Variants in TEX15 observed in about 807,000 individuals in gnomAD.
TEX15 encodes the protein testis expressed 15, meiosis and synapsis associated.
In TEX15, 171 loss-of-function variants were observed where a neutral mutation model predicts 237.3. That is an observed-to-expected ratio of 0.72 (90% CI 0.64 to 0.82). The LOEUF (loss-of-function observed/expected upper bound fraction) is 0.82. Among genes scored for constraint, TEX15 ranks in the 40% least tolerant of loss-of-function variants. TEX15 has a pLI of 0.00. For missense variants in TEX15, 3,750 were observed against 3,646.5 expected (o/e 1.03, Z -0.73); for synonymous variants, 1,338 against 1,269.8 (o/e 1.05, Z -1.14).
At chr8:30,889,944 T>TAC (rs1808755662) in intron 2 of TEX15, among the ~76,000 whole-genome samples, 49 of 122,454 alleles carry the variant, frequency 4.0e-4, no homozygotes, top group African/African-American at 1.7e-3. Flanking sequence ...CATATATATA[T>TAC]ATATATATAC....
chr8:30,840,259 G>A (rs978403323), intron 8 of TEX15, among the ~76,000 whole-genome samples: 6 of 151,432 alleles, frequency 4.0e-5, no homozygotes, highest in African/African-American at 1.5e-4. Context: ...GCAGTGATGC[G>A]ATATTGGCTC....
In TEX15 at chr8:30,842,821, A is replaced by G. The variant is rs1387622266; in HGVS notation, c.7346T>C (p.Val2449Ala). The part of the protein sequence containing the change: ...PEAIEMYIEI[V>A]MVSETIHFLK... The stretch of plus-strand genomic sequence containing the variant: ...AAAGTGAATTGTTTCTGAGACCATG[A>G]CGATTTCAATATACATTTCAATAGC... The change falls in exon 8 of 11, where the codon GTC becomes GCC. Residue 2449 changes from valine (V) to alanine (A), a missense_variant. Transcript: ENST00000643185. 1 of 1,613,202 alleles carries G rather than the reference A, an allele frequency of 6.2e-7. No homozygotes were observed. Among genetic ancestry groups the G allele is most frequent in the Non-Finnish European group, 8.5e-7 (1 of 1,179,472 alleles).
intron 3 of TEX15, among the ~76,000 whole-genome samples, chr8:30,875,526 T>C (rs1462093097): frequency 6.6e-6 from 1 of 152,174 alleles, no homozygotes; most frequent in Non-Finnish European, 1.5e-5. Flanking sequence ...TACAAGAACA[T>C]GTGTGTAAGA....
At chr8:30,853,141 T>C (rs1040346876) in intron 7 of TEX15, among the ~76,000 whole-genome samples, 1 of 152,208 alleles carries the variant, frequency 6.6e-6, no homozygotes, top group Admixed American at 6.5e-5. Flanking sequence ...TATAATACAT[T>C]GCGGATGGGC....
Position 30,842,758 on chromosome 8 carries a change from C to G in TEX15, c.7409G>C (p.Arg2470Thr), listed in dbSNP as rs1464765666. 2 of 1,613,268 alleles carry G rather than the reference C, an allele frequency of 1.2e-6. No individual in the cohort carries two copies. The highest frequency in any genetic ancestry group is 1.7e-5 in the Admixed American group (1 of 59,926). ...ATCAAACCAAAGCATACCTCGAAAC[C>G]TCTGTTTGTCTAGTTTCTTTGCTAT... ...NSIAKKLDKQRFRGMLWFDLS... is the reference protein window; with the variant it reads ...NSIAKKLDKQTFRGMLWFDLS... The change falls in exon 8 of 11, where the codon AGG (arginine) becomes ACG (threonine). Residue 2470 changes from arginine (R) to threonine (T), a missense_variant. By Grantham distance (71) the Arg-to-Thr change is moderately conservative. Transcript: ENST00000643185.
chr8:30,873,171 T>C (rs1375265631), intron 4 of TEX15, among the ~76,000 whole-genome samples: 1 of 152,144 alleles, frequency 6.6e-6, no homozygotes, highest in Non-Finnish European at 1.5e-5. Flanking sequence ...AGGCAGAAAA[T>C]ATTTAAAAGG....
chr8:30,896,553 A>C (rs970753601), intron 2 of TEX15, among the ~76,000 whole-genome samples: 1 of 152,152 alleles, frequency 6.6e-6, no homozygotes, highest in African/African-American at 2.4e-5. Flanking sequence ...GATTAAAAAA[A>C]AAAAAGTCAA....
chr8:30,842,262 G>C lies in TEX15; in HGVS notation c.7905C>G (p.Ser2635=), dbSNP rs1218894472. Residue 2635 remains serine, a synonymous_variant, in exon 8 of 11, where the codon TCC becomes TCG. Coordinates refer to ENST00000643185, the MANE Select transcript of TEX15 (RefSeq NM_001350162.2). ...ICTKNAELTI[S]FFLCQMLYNR... ...TATACAGCATTTGGCATAGGAAAAA[G>C]GAAATGGTTAGTTCAGCATTTTTAG... The C allele has an allele frequency of 6.2e-7, 1 of 1,613,532 alleles. No individual in the cohort carries two copies. Among genetic ancestry groups the C allele is most frequent in the Non-Finnish European group, 8.5e-7 (1 of 1,179,820 alleles).
intron 1 of TEX15, among the ~76,000 whole-genome samples, chr8:30,900,594 A>T (rs1327056685): frequency 6.6e-6 from 1 of 152,236 alleles, no homozygotes; most frequent in Non-Finnish European, 1.5e-5. Context: ...TGTCATGTAT[A>T]AGAAAGGAAA....
intron 7 of TEX15, among the ~76,000 whole-genome samples, chr8:30,853,395 A>G (rs930888628): frequency 2.6e-5 from 4 of 152,244 alleles, no homozygotes; most frequent in African/African-American, 9.6e-5. Context: ...AATTGGCCCT[A>G]TGTATTGGTG....
At chr8:30,834,604 T>A (rs1268417102) in intron 10 of TEX15, among the ~76,000 whole-genome samples, 1 of 152,228 alleles carries the variant, frequency 6.6e-6, no homozygotes, top group Non-Finnish European at 1.5e-5. Context: ...AATACTCACA[T>A]ACCTTATGTG....
chr8:30,863,575 C>G (rs1015750368), intron 5 of TEX15, among the ~76,000 whole-genome samples: 23 of 152,150 alleles, frequency 1.5e-4, no homozygotes, highest in African/African-American at 4.3e-4. Flanking sequence ...TTGCAAGCCC[C>G]TCCTTGCCTG....
At position 30,867,230 on chromosome 8, in the gene TEX15, G is replaced by A. The variant is rs781026021; in HGVS notation, c.540+35C>T. The A allele has an allele frequency of 6.6e-4, 691 of 1,040,772 alleles. 1 individual carries two copies. Among genetic ancestry groups the A allele is most frequent in the Non-Finnish European group, 7.1e-4 (498 of 703,606 alleles). The allele number at this position is 1,040,772 out of a possible 1,614,324, so 64.5% of individuals were successfully genotyped here. On this transcript the variant is annotated intron_variant, in intron 5 of 10. Transcript: ENST00000643185. ...TGTTCAGGTCAATTCAAAGCAAACT[G>A]TCCATATACTTAATATTTGTTTTAT... is the stretch of plus-strand genomic sequence containing the variant.
intron 2 of TEX15, among the ~76,000 whole-genome samples, chr8:30,888,316 A>G (rs1808708233): frequency 6.6e-6 from 1 of 152,214 alleles, no homozygotes; most frequent in Non-Finnish European, 1.5e-5. Context: ...AGAAACTTCA[A>G]AAAGTTGTAA....
rs139314740 is a variant in TEX15, at chr8:30,845,464, A to G, written c.4703T>C (p.Ile1568Thr). ...TGTATCAATTTGATTTTCTTTTTCT[A>G]TTAGTTTCTCATCTGAGTGGTCTGG... ...FSPDHSDEKL[I>T]EKENQIDTAF... Residue 1568 changes from isoleucine to threonine, a missense_variant, in exon 8 of 11, where the codon ATA (isoleucine) becomes ACA (threonine). Coordinates refer to ENST00000643185, the MANE Select transcript of TEX15 (RefSeq NM_001350162.2). The G allele has an allele frequency of 3.5e-5, 56 of 1,612,984 alleles. No individual in the cohort carries two copies. In the African/African-American group the frequency reaches 5.5e-4, roughly 16 times the overall value.
At chr8:30,876,773 T>C (rs1014729943) in intron 3 of TEX15, among the ~76,000 whole-genome samples, 18 of 152,126 alleles carry the variant, frequency 1.2e-4, no homozygotes, top group African/African-American at 4.3e-4. Context: ...TGTTAACAAT[T>C]GATATGGTTT....
chr8:30,910,588 G>A (rs920394364), intron 1 of TEX15, among the ~76,000 whole-genome samples: 2 of 149,758 alleles, frequency 1.3e-5, no homozygotes, highest in African/African-American at 5.0e-5. Context: ...GGGGACCAAA[G>A]GCTTGCACCA....
At chr8:30,875,200 A>G in intron 3 of TEX15, 98 bp from the exon 4 acceptor site, 2 of 807,608 alleles carry the variant, frequency 2.5e-6, no homozygotes, top group Non-Finnish European at 3.3e-6. Context: ...ATAACTAAGT[A>G]CTGGAATTTT....
At position 30,842,708 on chromosome 8, in the gene TEX15, G is replaced by A. The variant is rs773218994; in HGVS notation, c.7459C>T (p.Gln2487Ter). The change falls in exon 8 of 11, where the codon CAG becomes TAG. Residue 2487 changes from glutamine to a stop codon, truncating the protein, a stop_gained. Transcript: ENST00000643185. LOFTEE classifies it high-confidence loss of function. ...AAAGAAGCCATTTTTTCTTGGCACT[G>A]AACCAGCTCAGGAAGAAGTGACAAA... ...FDLSLLPELV[Q>*]CQEKMASFSF... 1 of 1,613,180 alleles carries A rather than the reference G, an allele frequency of 6.2e-7. No homozygotes were observed. The highest frequency in any genetic ancestry group is 1.3e-5 in the African/African-American group (1 of 74,918).
Sources: allele counts gnomAD v4.1 joint callset (sites outside exome capture counted in the v4.1 genomes callset), GRCh38; gene constraint gnomAD v4.1.1; transcripts MANE v1.5; gene names NCBI Gene and HGNC (gene_info 2026-07-23, HGNC 2026-07-21).